Variants in SOHLH2 observed in about 807,000 individuals in gnomAD.
SOHLH2 encodes spermatogenesis and oogenesis specific basic helix-loop-helix 2.
A neutral mutation model predicts 50.4 loss-of-function variants in SOHLH2; 22 were observed. The ratio of observed to expected loss-of-function variants is 0.44; its 90% CI spans 0.31 to 0.62. SOHLH2 has a LOEUF of 0.62. Ranked by LOEUF, SOHLH2 falls within the 20% of genes least tolerant of loss-of-function variation. The pLI is 0.08. For synonymous variants in SOHLH2, 185 were observed against 187.3 expected, an observed-to-expected ratio of 0.99 and a Z score of 0.10; for missense variants, 412 against 504.4, an observed-to-expected ratio of 0.82 and a Z score of 1.76.
chr13:36,177,483 G>GTTTAT (rs1566036342), intron 6 of SOHLH2, among the ~76,000 whole-genome samples: 1 of 152,064 alleles, frequency 6.6e-6, no homozygotes, highest in African/African-American at 2.4e-5. Flanking sequence ...AAAACAGGCA[G>GTTTAT]AACTCTTACC....
intron 9 of SOHLH2, 125 bp from the exon 10 acceptor site, chr13:36,170,912 C>T: frequency 7.1e-7 from 1 of 1,415,134 alleles, no homozygotes. Context: ...CTACCTGCTA[C>T]ACCCGAATGC....
chr13:36,202,220 C>A (rs576929267), intron 1 of SOHLH2, 127 bp from the exon 2 acceptor site: 26 of 1,196,048 alleles, frequency 2.2e-5, no homozygotes, highest in South Asian at 1.9e-4. Flanking sequence ...TCTAGTCTGA[C>A]TGGCTAGATG....
intron 2 of SOHLH2, among the ~76,000 whole-genome samples, chr13:36,195,369 G>A (rs1887694646): frequency 6.6e-6 from 1 of 152,118 alleles, no homozygotes; most frequent in Non-Finnish European, 1.5e-5. Flanking sequence ...TCGAGAACAG[G>A]TGAGTTTGAG....
intron 2 of SOHLH2, 53 bp downstream of exon 2, chr13:36,201,826 G>A (rs1593957293): frequency 6.3e-7 from 1 of 1,591,256 alleles, no homozygotes; most frequent in Non-Finnish European, 8.5e-7. Flanking sequence ...TTAAAAAATG[G>A]GTTTTTAAAA....
At chr13:36,200,669 C>T (rs1380783660) in intron 2 of SOHLH2, among the ~76,000 whole-genome samples, 1 of 152,076 alleles carries the variant, frequency 6.6e-6, no homozygotes, top group African/African-American at 2.4e-5. Flanking sequence ...CTGATCTAAC[C>T]CTATCTAAAT....
intron 2 of SOHLH2, among the ~76,000 whole-genome samples, chr13:36,195,696 G>A (rs191912250): frequency 7.2e-5 from 11 of 152,280 alleles, no homozygotes; most frequent in South Asian, 2.1e-4. Flanking sequence ...GGGCATACCC[G>A]TGAACCTTTG....
At chr13:36,194,740 T>C (rs1003069664) in intron 2 of SOHLH2, among the ~76,000 whole-genome samples, 4 of 152,234 alleles carry the variant, frequency 2.6e-5, no homozygotes, top group African/African-American at 7.2e-5. Context: ...AGAATGTGAC[T>C]GTGAAAGAGA....
At chr13:36,207,025 A>C (rs1868813263) in intron 1 of SOHLH2, among the ~76,000 whole-genome samples, 1 of 151,814 alleles carries the variant, frequency 6.6e-6, no homozygotes, top group Admixed American at 6.6e-5. Flanking sequence ...TTTCTGATAT[A>C]CAGCTTAGTT....
At chr13:36,172,420 C>A (rs1384197883) in intron 9 of SOHLH2, among the ~76,000 whole-genome samples, 1 of 152,262 alleles carries the variant, frequency 6.6e-6, no homozygotes, top group East Asian at 1.9e-4. Context: ...TCTAAACTGA[C>A]TAAAATAACA....
intron 6 of SOHLH2, among the ~76,000 whole-genome samples, chr13:36,177,822 C>G (rs1206782939): frequency 6.6e-6 from 1 of 151,958 alleles, no homozygotes; most frequent in African/African-American, 2.4e-5. Context: ...CAGGATTTGT[C>G]AGATATCTGT....
At chr13:36,195,304 G>A (rs1021468418) in intron 2 of SOHLH2, among the ~76,000 whole-genome samples, 1 of 152,122 alleles carries the variant, frequency 6.6e-6, no homozygotes, top group Non-Finnish European at 1.5e-5. Flanking sequence ...AAGCAGATGT[G>A]CAGCACAGAA....
chr13:36,214,379 G>C (rs1408236069), intron 1 of SOHLH2, 100 bp downstream of exon 1: 26 of 1,409,116 alleles, frequency 1.8e-5, no homozygotes, highest in Non-Finnish European at 2.4e-5. Context: ...CCGACAATGA[G>C]AGCTCCCCAG....
chr13:36,179,022 T>G (rs1003639718), intron 6 of SOHLH2, among the ~76,000 whole-genome samples: 23 of 152,320 alleles, frequency 1.5e-4, no homozygotes, highest in East Asian at 1.9e-4. Flanking sequence ...CTTAGGACTT[T>G]GACTTTATAC....
chr13:36,178,086 A>G lies in SOHLH2; in HGVS notation c.642-3217T>C, dbSNP rs1887140803. 1.3e-5 allele frequency among the ~76,000 whole-genome samples: 2 copies of G among 151,660 alleles called. 1 individual carries two copies. The highest frequency in any genetic ancestry group is 4.1e-4 in the South Asian group (2 of 4,828). ...TATTTAAATATAATAAATATAAATTAATATTACATATATTAAAAATTCTTT... is the reference window on the plus strand; with the variant it reads ...TATTTAAATATAATAAATATAAATTGATATTACATATATTAAAAATTCTTT... On this transcript the variant is annotated intron_variant, in intron 6 of 10. Coordinates refer to ENST00000379881, the MANE Select transcript of SOHLH2 (RefSeq NM_017826.3).
intron 2 of SOHLH2, among the ~76,000 whole-genome samples, chr13:36,197,948 T>C (rs1352711699): frequency 6.6e-6 from 1 of 152,190 alleles, no homozygotes; most frequent in Admixed American, 6.5e-5. Context: ...CTGTGTTTAT[T>C]GTCGAATATT....
chr13:36,212,639 T>C (rs192775679), intron 1 of SOHLH2, among the ~76,000 whole-genome samples: 133 of 152,218 alleles, frequency 8.7e-4, no homozygotes, highest in Non-Finnish European at 1.7e-3. Context: ...AATATCTTTT[T>C]CTGTTTGAAT....
chr13:36,212,390 A>G (rs1193228009), intron 1 of SOHLH2, among the ~76,000 whole-genome samples: 1 of 152,254 alleles, frequency 6.6e-6, no homozygotes, highest in African/African-American at 2.4e-5. Context: ...CCACTATCCC[A>G]GTTCCATAAC....
intron 6 of SOHLH2, among the ~76,000 whole-genome samples, chr13:36,184,614 C>T (rs537691883): frequency 5.4e-4 from 82 of 152,062 alleles, no homozygotes; most frequent in Non-Finnish European, 9.0e-4. Flanking sequence ...CGCCTGCCAC[C>T]ACACCCAGCT....
At chr13:36,191,757 A>G in intron 5 of SOHLH2, 38 bp downstream of exon 5, 1 of 1,610,680 alleles carries the variant, frequency 6.2e-7, no homozygotes, top group Non-Finnish European at 8.5e-7. Context: ...TAAGTTCTCT[A>G]AAAATATTGC....
Sources: gnomAD v4.1 joint callset for allele counts (sites outside exome capture counted in the v4.1 genomes callset) on GRCh38, gnomAD v4.1.1 for gene constraint, MANE v1.5 for transcripts, NCBI Gene and HGNC (gene_info 2026-07-23, HGNC 2026-07-21) for gene names.